The following TAF15 variants were observed in gnomAD, a reference collection of about 807,000 sequenced individuals.
The protein encoded by TAF15 is TATA-binding protein-associated factor 2N.
A neutral mutation model predicts 102.5 loss-of-function variants in TAF15; 37 were observed. That is an observed-to-expected ratio of 0.36 (90% CI 0.28 to 0.47). TAF15 has a LOEUF of 0.47. Among genes scored for constraint, TAF15 ranks in the 20% least tolerant of loss-of-function variants. TAF15 has a pLI of 0.99. For missense variants in TAF15, 652 were observed against 760.7 expected, an observed-to-expected ratio of 0.86 and a Z score of 1.68; for synonymous variants, 273 against 259.2, an observed-to-expected ratio of 1.05 and a Z score of -0.51.
Position 35,847,154 on chromosome 17 carries a change from T to G in TAF15, c.*209T>G, listed in dbSNP as rs1598558518. On this transcript the variant is annotated 3_prime_UTR_variant, in exon 16 of 16. Transcript: ENST00000605844. ...AGTTTCCAACCTTCTCCCCAACCCT[T>G]GGAGCTAAATGCGTTGTAAAATATT... is the stretch of plus-strand genomic sequence containing the variant. 4 of 624,744 alleles carry G rather than the reference T, an allele frequency of 6.4e-6. No individual in the cohort carries two copies. In the East Asian group the frequency reaches 1.1e-4, roughly 17 times the overall value. 38.7% of individuals were successfully genotyped at this position (624,744 alleles called of 1,614,324 possible).
At chr17:35,832,555 C>T (rs1166639209) in intron 7 of TAF15, among the ~76,000 whole-genome samples, 2 of 151,956 alleles carry the variant, frequency 1.3e-5, no homozygotes, top group Non-Finnish European at 2.9e-5. Flanking sequence ...TTCCTCCCCC[C>T]ACCCCCCATA....
intron 1 of TAF15, among the ~76,000 whole-genome samples, chr17:35,815,839 G>C (rs933812155): frequency 1.3e-5 from 2 of 152,088 alleles, no homozygotes; most frequent in African/African-American, 2.4e-5. Flanking sequence ...TTGGTTGTTA[G>C]CTACAACTCT....
chr17:35,835,107 G>A (rs2087458676), intron 9 of TAF15, among the ~76,000 whole-genome samples: 1 of 152,104 alleles, frequency 6.6e-6, no homozygotes, highest in Non-Finnish European at 1.5e-5. Flanking sequence ...CAGTTTGCTG[G>A]GGAAAATTGC....
Position 35,809,528 on chromosome 17 carries a change from T to C in TAF15, c.-42T>C. 1 of 1,612,682 alleles carries C rather than the reference T, an allele frequency of 6.2e-7. No homozygotes were observed. Among genetic ancestry groups the C allele is most frequent in the Non-Finnish European group, 8.5e-7 (1 of 1,179,710 alleles). The stretch of plus-strand genomic sequence containing the variant: ...CGCCGCCTGGCTTTCGTATTCGTTG[T>C]TCTCGGCGGGCTGTGGGGCCTCCGC... On this transcript the variant is annotated 5_prime_UTR_variant, in exon 1 of 16. Coordinates refer to ENST00000605844, the MANE Select transcript of TAF15 (RefSeq NM_139215.3).
chr17:35,813,631 G>GA (rs2087154313), intron 1 of TAF15, among the ~76,000 whole-genome samples: 1 of 47,280 alleles, frequency 2.1e-5, no homozygotes, highest in African/African-American at 7.7e-5. Context: ...GCGAGACCCT[G>GA]TCCCCCCCCC....
At chr17:35,821,922 G>A (rs185966043) in intron 5 of TAF15, among the ~76,000 whole-genome samples, 26 of 152,218 alleles carry the variant, frequency 1.7e-4, no homozygotes, top group Non-Finnish European at 2.5e-4. Flanking sequence ...GAAGACACTT[G>A]TTAAACTTCA....
At chr17:35,842,158 A>G (rs951346262) in intron 11 of TAF15, among the ~76,000 whole-genome samples, 1 of 151,894 alleles carries the variant, frequency 6.6e-6, no homozygotes, top group African/African-American at 2.4e-5. Context: ...TAAGCTTAGT[A>G]AGAAGTGACT....
chr17:35,837,699 C>CTT (rs1198129511), intron 10 of TAF15, among the ~76,000 whole-genome samples: 2 of 151,058 alleles, frequency 1.3e-5, no homozygotes, highest in Non-Finnish European at 3.0e-5. Context: ...TGGTGGCATG[C>CTT]GCCTGTAGTC....
chr17:35,839,399 T>TTTTTA (rs2087515199), intron 11 of TAF15, among the ~76,000 whole-genome samples: 1 of 135,606 alleles, frequency 7.4e-6, no homozygotes, highest in African/African-American at 2.9e-5. Context: ...TTTTTTTTTT[T>TTTTTA]GAGACGGAGT....
At chr17:35,826,904 A>T (rs754229109) in intron 7 of TAF15, among the ~76,000 whole-genome samples, 66 of 150,932 alleles carry the variant, frequency 4.4e-4, no homozygotes, top group East Asian at 1.2e-3. Flanking sequence ...AATTATTTTT[A>T]TGTGTCATAA....
intron 11 of TAF15, among the ~76,000 whole-genome samples, chr17:35,840,047 A>G (rs2087525411): frequency 6.6e-6 from 1 of 152,070 alleles, no homozygotes; most frequent in Admixed American, 6.6e-5. Context: ...CGTTTTACAG[A>G]GAGTGAAACT....
At position 35,809,876 on chromosome 17, in the gene TAF15, G is replaced by A. The variant is rs2087104781; in HGVS notation, c.7+300G>A. ...GTGTGTGAGTCGGGGGGCGGAGGCC[G>A]TCTACGCCATCGTAGGGGCGGGGGG... On this transcript the variant is annotated intron_variant, in intron 1 of 15. Coordinates refer to ENST00000605844, the MANE Select transcript of TAF15 (RefSeq NM_139215.3). 1.9e-5 allele frequency: 11 copies of A among 570,946 alleles called. No homozygotes were observed. In the East Asian group the frequency reaches 2.9e-4, roughly 15 times the overall value. The allele number at this position is 570,946 out of a possible 1,614,324, so 35.4% of individuals were successfully genotyped here.
At chr17:35,835,600 A>G (rs919394920) in intron 9 of TAF15, among the ~76,000 whole-genome samples, 3 of 152,230 alleles carry the variant, frequency 2.0e-5, no homozygotes, top group Admixed American at 1.3e-4. Flanking sequence ...TGTTGTACTA[A>G]TCCAAAAGTG....
At chr17:35,816,289 A>G (rs112750371) in intron 1 of TAF15, among the ~76,000 whole-genome samples, 48 of 152,344 alleles carry the variant, frequency 3.2e-4, no homozygotes, top group South Asian at 1.2e-3. Flanking sequence ...TTCTAAGGAC[A>G]TATTGTATAA....
intron 12 of TAF15, 22 bp from the exon 13 acceptor site, chr17:35,844,055 T>G: frequency 6.2e-7 from 1 of 1,610,618 alleles, no homozygotes; most frequent in Non-Finnish European, 8.5e-7. Flanking sequence ...CTGATTTTTC[T>G]CCCCTGGCCC....
Position 35,844,460 on chromosome 17 carries a change from G to A in TAF15, c.1178-17G>A. On this transcript the variant is annotated splice_polypyrimidine_tract_variant and intron_variant, in intron 14 of 15. Coordinates refer to ENST00000605844, the MANE Select transcript of TAF15 (RefSeq NM_139215.3). ...GTTGTTTCTGCTGGCCTCATTGTTT[G>A]CATTTCTACCTTGCAGATTTCCGGG... The A allele has an allele frequency of 6.2e-7, 1 of 1,613,708 alleles. No homozygotes were observed. The highest frequency in any genetic ancestry group is 8.5e-7 in the Non-Finnish European group (1 of 1,179,832).
At chr17:35,831,898 C>T (rs1230864365) in intron 7 of TAF15, among the ~76,000 whole-genome samples, 1 of 151,548 alleles carries the variant, frequency 6.6e-6, no homozygotes, top group Admixed American at 6.6e-5. Context: ...CTGGCCAACA[C>T]AGTGAAACCC....
At chr17:35,826,387 A>G (rs942638210) in intron 7 of TAF15, among the ~76,000 whole-genome samples, 12 of 152,090 alleles carry the variant, frequency 7.9e-5, no homozygotes, top group Non-Finnish European at 1.6e-4. Context: ...AAGCTGTGTG[A>G]AAGGCCAGAT....
chr17:35,842,881 C>G (rs537210984), intron 12 of TAF15, among the ~76,000 whole-genome samples: 1 of 151,784 alleles, frequency 6.6e-6, no homozygotes, highest in Admixed American at 6.6e-5. Flanking sequence ...TACAGGCGTG[C>G]GCCACCATGT....
Sources: gnomAD v4.1 joint callset for allele counts (sites outside exome capture counted in the v4.1 genomes callset) on GRCh38, gnomAD v4.1.1 for gene constraint, MANE v1.5 for transcripts, NCBI Gene and HGNC (gene_info 2026-07-23, HGNC 2026-07-21) for gene names.